Variants in SLC9C2 observed in about 807,000 individuals in gnomAD.
SLC9C2 encodes the protein solute carrier family 9 member C2 (putative).
A neutral mutation model predicts 140.2 loss-of-function variants in SLC9C2; 75 were observed. The ratio of observed to expected loss-of-function variants is 0.53; its 90% confidence interval spans 0.44 to 0.65. The LOEUF (loss-of-function observed/expected upper bound fraction) is 0.65, where lower values mean the gene tolerates loss of function less well. Among genes scored for constraint, SLC9C2 ranks in the 30% least tolerant of loss-of-function variants. The pLI, the probability that SLC9C2 is intolerant of heterozygous loss-of-function variation, is 0.00. For missense variants in SLC9C2, 1,074 were observed against 1,331.8 expected, an observed-to-expected ratio of 0.81 and a Z score of 3.01; for synonymous variants, 375 against 420.9, an observed-to-expected ratio of 0.89 and a Z score of 1.34.
intron 4 of SLC9C2, among the ~76,000 whole-genome samples, chr1:173,591,162 A>G (rs1666135772): frequency 6.6e-6 from 1 of 152,172 alleles, no homozygotes; most frequent in African/African-American, 2.4e-5. Flanking sequence ...TAGTTTGGTA[A>G]GGATAATAGC....
At chr1:173,543,756 A>G (rs988592455) in intron 13 of SLC9C2, among the ~76,000 whole-genome samples, 2 of 152,234 alleles carry the variant, frequency 1.3e-5, no homozygotes, top group East Asian at 3.8e-4. Flanking sequence ...CAATGGGGAA[A>G]GGATTCCCTA....
rs375575571 is a variant in SLC9C2, at chr1:173,509,634, A to G, written c.2973T>C (p.Tyr991=). Residue 991 remains tyrosine, a synonymous_variant, in exon 24 of 28, where the codon TAT becomes TAC. Coordinates refer to ENST00000367714, the MANE Select transcript of SLC9C2 (RefSeq NM_178527.4). ...GFDAFWPSLE[Y]KIWLKLALST... is the part of the protein sequence containing the mutation. ...TGAGAGCAAGCTTTAGCCATATTTT[A>G]TATTCCAGAGATGGCCAGAAGGCAT... 32 of 1,597,924 alleles carry G rather than the reference A, an allele frequency of 2.0e-5. No homozygotes were observed. The highest frequency in any genetic ancestry group is 1.2e-5 in the South Asian group (1 of 86,748).
chr1:173,545,401 C>T (rs970241840), intron 13 of SLC9C2, among the ~76,000 whole-genome samples: 1 of 152,110 alleles, frequency 6.6e-6, no homozygotes, highest in Non-Finnish European at 1.5e-5. Context: ...CCTATGGAAA[C>T]GGAAAGAATG....
At chr1:173,540,143 G>C (rs1417873393) in intron 13 of SLC9C2, among the ~76,000 whole-genome samples, 2 of 152,162 alleles carry the variant, frequency 1.3e-5, no homozygotes, top group African/African-American at 2.4e-5. Context: ...AAGAAGCCCA[G>C]TCCAGCCAAC....
At chr1:173,602,209 G>C (rs1666828955) in intron 1 of SLC9C2, among the ~76,000 whole-genome samples, 1 of 152,202 alleles carries the variant, frequency 6.6e-6, no homozygotes, top group Admixed American at 6.5e-5. Flanking sequence ...TGTGGCACGA[G>C]ATAGGCTGTC....
At chr1:173,583,716 G>GA in intron 5 of SLC9C2, 94 bp from the exon 6 acceptor site, 1 of 686,872 alleles carries the variant, frequency 1.5e-6, no homozygotes, top group Non-Finnish European at 2.4e-6. Flanking sequence ...AACAGAAAAA[G>GA]AAAAAAGAGA....
In SLC9C2 at chr1:173,554,720, A is replaced by G; in HGVS notation, c.1297+13T>C. 2.6e-6 allele frequency: 4 copies of G among 1,549,948 alleles called. No homozygotes were observed. Among genetic ancestry groups the G allele is most frequent in the Non-Finnish European group, 3.6e-6 (4 of 1,122,244 alleles). The stretch of plus-strand genomic sequence containing the variant: ...TCTCCCCAGCTAATTCATGAATGAG[A>G]CACATACTTTACCTAACTTCCTGGC... On this transcript the variant is annotated intron_variant, in intron 11 of 27. Coordinates refer to ENST00000367714, the MANE Select transcript of SLC9C2 (RefSeq NM_178527.4).
rs971378815 is a variant in SLC9C2 at position 173,529,939 on chromosome 1, A to G, written c.2279T>C (p.Ile760Thr). 6.2e-7 allele frequency: 1 copy of G among 1,611,378 alleles called. No homozygotes were observed. The highest frequency in any genetic ancestry group is 1.7e-5 in the Admixed American group (1 of 59,364). ...IKSQEDAKLL[I>T]KQIAVCESIY... is the part of the protein sequence containing the mutation. The stretch of plus-strand genomic sequence containing the variant: ...TGATTCACAGACAGCTATTTGTTTT[A>G]TTAGAAGTTTGGCATCTTCTTGACT... The change falls in exon 18 of 28, where the codon ATA becomes ACA. Residue 760 changes from isoleucine to threonine, a missense_variant. Transcript: ENST00000367714.
intron 18 of SLC9C2, among the ~76,000 whole-genome samples, chr1:173,528,992 T>C (rs1432052526): frequency 6.6e-6 from 1 of 152,162 alleles, no homozygotes; most frequent in Non-Finnish European, 1.5e-5. Flanking sequence ...GAAAAGAAGA[T>C]TCTAGATAAT....
intron 9 of SLC9C2, among the ~76,000 whole-genome samples, chr1:173,567,953 C>T (rs148073506): frequency 2.2e-3 from 329 of 152,046 alleles, no homozygotes; most frequent in Admixed American, 4.1e-3. Flanking sequence ...TGATAAAAAA[C>T]GATACACTTT....
intron 11 of SLC9C2, 148 bp downstream of exon 11, chr1:173,554,585 T>C: frequency 1.6e-6 from 1 of 624,424 alleles, no homozygotes; most frequent in Non-Finnish European, 2.9e-6. Context: ...TCCCAAGTAA[T>C]ACAGCATCTA....
intron 9 of SLC9C2, among the ~76,000 whole-genome samples, chr1:173,562,873 A>G (rs1664204259): frequency 6.6e-6 from 1 of 152,180 alleles, no homozygotes; most frequent in Non-Finnish European, 1.5e-5. Context: ...CCCTTCCCCC[A>G]GGGATTACAT....
chr1:173,529,936 T>G lies in SLC9C2; in HGVS notation c.2282A>C (p.Lys761Thr). The G allele has an allele frequency of 6.2e-7, 1 of 1,611,548 alleles. No individual in the cohort carries two copies. Among genetic ancestry groups the G allele is most frequent in the Middle Eastern group, 1.7e-4 (1 of 5,940 alleles). ...TATTGATTCACAGACAGCTATTTGT[T>G]TTATTAGAAGTTTGGCATCTTCTTG... ...KSQEDAKLLI[K>T]QIAVCESIYQ... is the part of the protein sequence containing the mutation. The change falls in exon 18 of 28, where the codon AAA (lysine) becomes ACA (threonine). Residue 761 changes from lysine (K) to threonine (T), a missense_variant. Lys to Thr is a moderately conservative substitution (Grantham distance 78). Coordinates refer to ENST00000367714, the MANE Select transcript of SLC9C2 (RefSeq NM_178527.4).
intron 13 of SLC9C2, among the ~76,000 whole-genome samples, chr1:173,542,997 A>C (rs948087182): frequency 1.3e-5 from 2 of 152,196 alleles, no homozygotes; most frequent in Non-Finnish European, 2.9e-5. Context: ...TAGTGTTGGA[A>C]GTTCTGGCCA....
chr1:173,506,885 G>A lies in SLC9C2; in HGVS notation c.3196C>T (p.Pro1066Ser), dbSNP rs777313808. ...DTKTEEPYFA[P>S]CIIPTTCEQV... The stretch of plus-strand genomic sequence containing the variant: ...TCACAGGTTGTAGGTATAATGCAAG[G>A]TGCAAAATATGGTTCCTCTGTCTTA... The change falls in exon 25 of 28, where the codon CCT (proline) becomes TCT (serine). Residue 1066 changes from proline to serine, a missense_variant. Transcript: ENST00000367714. 11 of 1,613,388 alleles carry A rather than the reference G, an allele frequency of 6.8e-6. No individual in the cohort carries two copies.
At chr1:173,551,647 T>C (rs185308076) in intron 11 of SLC9C2, among the ~76,000 whole-genome samples, 1 of 152,326 alleles carries the variant, frequency 6.6e-6, no homozygotes, top group East Asian at 1.9e-4. Flanking sequence ...TGTAATTGCG[T>C]TGGGGCACCA....
rs1403959303 is a variant in SLC9C2 at position 173,500,981 on chromosome 1, TC to T, written c.*112del. 1 of 1,227,052 alleles carries T rather than the reference TC, an allele frequency of 8.1e-7. No individual in the cohort carries two copies. The highest frequency in any genetic ancestry group is 1.5e-5 in the African/African-American group (1 of 64,588). 76.0% of individuals were successfully genotyped at this position (1,227,052 alleles called of 1,614,324 possible). A position where few individuals can be genotyped will look rare whatever the true frequency, so the allele number is the denominator to read the frequency against. ...CTGTTTCAGTAGCTTCTAAGTAAAC[TC>T]CTTGCAGATAATCCTTTAGTATTTG... On this transcript the variant is annotated 3_prime_UTR_variant, in exon 28 of 28. Coordinates refer to ENST00000367714, the MANE Select transcript of SLC9C2 (RefSeq NM_178527.4).
At position 173,600,188 on chromosome 1, in the gene SLC9C2, C is replaced by T; in HGVS notation, c.157G>A (p.Glu53Lys). Residue 53 changes from glutamate (E) to lysine (K), a missense_variant, in exon 3 of 28, where the codon GAA (glutamate) becomes AAA (lysine). Physicochemically the swap from Glu to Lys is moderately conservative, Grantham distance 56 (BLOSUM62 1). Transcript: ENST00000367714. ...GAAAGAATCGTCAAAACAATGACTT[C>T]ACAATTCTTTAAACACATCTTCAAA... is the stretch of plus-strand genomic sequence containing the variant. ...GLLKMCLKNC[E>K]VIVLTILSLS... 2 of 1,612,404 alleles carry T rather than the reference C, an allele frequency of 1.2e-6. No homozygotes were observed. The highest frequency in any genetic ancestry group is 1.7e-6 in the Non-Finnish European group (2 of 1,179,156).
intron 5 of SLC9C2, among the ~76,000 whole-genome samples, chr1:173,587,182 C>G (rs6686370): frequency 0.16 from 23,779 of 151,956 alleles, 6,180 homozygotes; most frequent in African/African-American, 0.54. Context: ...ATATCCTTAC[C>G]CCTTTTCTTG....
Sources: allele counts gnomAD v4.1 joint callset (sites outside exome capture counted in the v4.1 genomes callset), GRCh38; gene constraint gnomAD v4.1.1; transcripts MANE v1.5; gene names NCBI Gene and HGNC (gene_info 2026-07-23, HGNC 2026-07-21).